Variants in ELAVL2 observed in about 807,000 individuals in gnomAD.
ELAVL2 encodes the protein ELAV-like protein 2.
A neutral mutation model predicts 34.6 loss-of-function variants in ELAVL2; 4 were observed. The observed-to-expected ratio is 0.12, with a 90% CI of 0.06 to 0.26. The LOEUF is 0.26. ELAVL2 is among the 10% of genes least tolerant of loss of function. The pLI is 1.00. For synonymous variants in ELAVL2, 193 were observed against 154.8 expected (o/e 1.25, Z -1.83); for missense variants, 432 against 442.8 (o/e 0.98, Z 0.22).
At chr9:23,752,670 G>C (rs1445099513) in intron 2 of ELAVL2, among the ~76,000 whole-genome samples, 1 of 152,074 alleles carries the variant, frequency 6.6e-6, no homozygotes, top group Non-Finnish European at 1.5e-5. Flanking sequence ...GGCCAGGCTG[G>C]CCTTGATCTC....
intron 1 of ELAVL2, among the ~76,000 whole-genome samples, chr9:23,796,846 G>C (rs780990466): frequency 1.3e-5 from 2 of 152,082 alleles, no homozygotes; most frequent in Non-Finnish European, 2.9e-5. Flanking sequence ...TTCAATATCA[G>C]TCATGGAATA....
At chr9:23,818,230 A>G (rs572070728) in intron 1 of ELAVL2, among the ~76,000 whole-genome samples, 1 of 152,338 alleles carries the variant, frequency 6.6e-6, no homozygotes, top group South Asian at 2.1e-4. Context: ...CTAGACATAA[A>G]GCCTTCAAAC....
chr9:23,746,122 T>C (rs943555092), intron 2 of ELAVL2, among the ~76,000 whole-genome samples: 3 of 152,166 alleles, frequency 2.0e-5, no homozygotes, highest in Admixed American at 6.6e-5. Flanking sequence ...GACACAAATA[T>C]GAGTAAATTG....
At chr9:23,821,586 C>G (rs1312129903) in intron 1 of ELAVL2, 1 of 152,452 alleles carries the variant, frequency 6.6e-6, no homozygotes, top group Non-Finnish European at 1.5e-5. Flanking sequence ...GTCCCCGCCC[C>G]CACGCCCCCA....
At chr9:23,801,378 T>A (rs1307684592) in intron 1 of ELAVL2, among the ~76,000 whole-genome samples, 1 of 152,184 alleles carries the variant, frequency 6.6e-6, no homozygotes, top group Admixed American at 6.6e-5. Context: ...TTCTCTTGAA[T>A]GTTGTGCTTG....
At chr9:23,776,979 T>C (rs542409955) in intron 1 of ELAVL2, among the ~76,000 whole-genome samples, 86 of 152,320 alleles carry the variant, frequency 5.6e-4, no homozygotes, top group Non-Finnish European at 9.8e-4. Context: ...GAAGTTTTCC[T>C]GATTTAGAAT....
intron 5 of ELAVL2, among the ~76,000 whole-genome samples, chr9:23,700,054 T>C (rs1196041130): frequency 2.6e-5 from 4 of 151,996 alleles, no homozygotes; most frequent in Non-Finnish European, 5.9e-5. Flanking sequence ...TTATCTCCAC[T>C]CTCTTCAGCA....
the ELAVL2 span, among the ~76,000 whole-genome samples, chr9:23,837,375 C>T: frequency 2.6e-5 from 4 of 152,258 alleles, no homozygotes; most frequent in South Asian, 2.1e-4. Context: ...TTATTTATCC[C>T]GCTAACTAGC....
chr9:23,751,166 G>A (rs1007368907), intron 2 of ELAVL2, among the ~76,000 whole-genome samples: 2 of 152,006 alleles, frequency 1.3e-5, no homozygotes, highest in Non-Finnish European at 2.9e-5. Flanking sequence ...TACAGGACTT[G>A]TACGCCATAC....
chr9:23,704,837 C>G, intron 4 of ELAVL2, 81 bp downstream of exon 4: 1 of 1,558,382 alleles, frequency 6.4e-7, no homozygotes, highest in Non-Finnish European at 8.7e-7. Context: ...AGAAGCAAGA[C>G]TGCTACATGG....
intron 2 of ELAVL2, among the ~76,000 whole-genome samples, chr9:23,746,342 T>G (rs1317072488): frequency 6.6e-6 from 1 of 152,126 alleles, no homozygotes; most frequent in African/African-American, 2.4e-5. Flanking sequence ...TAGAAAAAGA[T>G]AAAAAATATG....
intron 1 of ELAVL2, among the ~76,000 whole-genome samples, chr9:23,772,686 G>T (rs1049176713): frequency 1.3e-5 from 2 of 152,074 alleles, no homozygotes; most frequent in East Asian, 3.9e-4. Flanking sequence ...AGCAAAACAA[G>T]GAGTCTAAAA....
At chr9:23,759,248 T>A (rs1250712693) in intron 2 of ELAVL2, among the ~76,000 whole-genome samples, 10 of 152,016 alleles carry the variant, frequency 6.6e-5, no homozygotes, top group African/African-American at 2.4e-4. Context: ...CAAAAAAGAA[T>A]GAAATTCTGT....
chr9:23,849,053 C>T, the ELAVL2 span, among the ~76,000 whole-genome samples: 1 of 152,168 alleles, frequency 6.6e-6, no homozygotes, highest in South Asian at 2.1e-4. Context: ...CAAAGGCTGT[C>T]TTTTACCAAA....
intron 5 of ELAVL2, among the ~76,000 whole-genome samples, chr9:23,696,278 A>G (rs1237591668): frequency 6.6e-6 from 1 of 151,966 alleles, no homozygotes; most frequent in Non-Finnish European, 1.5e-5. Flanking sequence ...CATGTTTCCC[A>G]TGGGAGCTCA....
At chr9:23,763,760 G>A (rs2055594477) in intron 1 of ELAVL2, among the ~76,000 whole-genome samples, 1 of 152,202 alleles carries the variant, frequency 6.6e-6, no homozygotes, top group South Asian at 2.1e-4. Context: ...AAGAATCAGT[G>A]CTGTCATGAT....
chr9:23,748,051 G>A (rs2050943172), intron 2 of ELAVL2, among the ~76,000 whole-genome samples: 4 of 151,848 alleles, frequency 2.6e-5, no homozygotes, highest in Admixed American at 2.6e-4. Flanking sequence ...GCTTCAGAAA[G>A]ATATTTAAGT....
upstream of ELAVL2, among the ~76,000 whole-genome samples, chr9:23,830,951 T>TA (rs1316628702): frequency 6.6e-6 from 1 of 152,060 alleles, no homozygotes; most frequent in Non-Finnish European, 1.5e-5. Flanking sequence ...ATCAGAGACT[T>TA]ATGTCCGTTT....
chr9:23,753,521 A>T, intron 2 of ELAVL2, among the ~76,000 whole-genome samples: 1 of 152,330 alleles, frequency 6.6e-6, no homozygotes, highest in African/African-American at 2.4e-5. Flanking sequence ...TTTGTACTAC[A>T]TCATAAAAAT....
Sources: allele counts gnomAD v4.1 joint callset (sites outside exome capture counted in the v4.1 genomes callset), GRCh38; gene constraint gnomAD v4.1.1; transcripts MANE v1.5; gene names NCBI Gene and HGNC (gene_info 2026-07-23, HGNC 2026-07-21).